Variants in PIP4K2A observed in about 807,000 individuals in gnomAD.
PIP4K2A encodes phosphatidylinositol-5-phosphate 4-kinase type 2 alpha.
In PIP4K2A, 14 loss-of-function variants were observed where a neutral mutation model predicts 42.9. That is an observed-to-expected ratio of 0.33 (90% CI 0.22 to 0.51). The LOEUF is 0.51. Ranked by LOEUF, PIP4K2A falls within the 20% of genes least tolerant of loss-of-function variation. The probability of loss-of-function intolerance (pLI) is 0.97; values close to 1 mark genes in which losing one functional copy is unlikely to be tolerated. For missense variants in PIP4K2A, 434 were observed against 519.8 expected, an observed-to-expected ratio of 0.83 and a Z score of 1.61; for synonymous variants, 192 against 192.2, an observed-to-expected ratio of 1.00 and a Z score of 0.01.
intron 1 of PIP4K2A, among the ~76,000 whole-genome samples, chr10:22,709,364 C>T (rs923382657): frequency 2.0e-4 from 31 of 152,270 alleles, no homozygotes; most frequent in African/African-American, 7.5e-4. Context: ...GTGACTAAAT[C>T]ACCTGCTCAA....
At chr10:22,620,573 T>C (rs1838303782) in intron 1 of PIP4K2A, among the ~76,000 whole-genome samples, 1 of 152,274 alleles carries the variant, frequency 6.6e-6, no homozygotes, top group Non-Finnish European at 1.5e-5. Context: ...TAGAAAATGC[T>C]TGAATTAATC....
rs566061355 is a variant in PIP4K2A, at chr10:22,535,320, G to A, written c.*1881C>T. The A allele has an allele frequency of 4.1e-4, 62 of 152,286 alleles. No individual in the cohort carries two copies. The highest frequency in any genetic ancestry group is 1.3e-3 in the African/African-American group (56 of 41,538). The allele number at this position is 152,286 out of a possible 1,614,324, so 9.4% of individuals were successfully genotyped here. On this transcript the variant is annotated 3_prime_UTR_variant, in exon 10 of 10. Transcript: ENST00000376573. Reference sequence around the variant, plus strand: ...GCAGGGAAAAACCAAATCATAGTATGGATTACTTTAAATACATAAAAGATG... The same window carrying A: ...GCAGGGAAAAACCAAATCATAGTATAGATTACTTTAAATACATAAAAGATG...
chr10:22,566,543 T>C (rs578250993), intron 6 of PIP4K2A, among the ~76,000 whole-genome samples: 1 of 152,280 alleles, frequency 6.6e-6, no homozygotes, highest in East Asian at 1.9e-4. Flanking sequence ...AATCTCTCTG[T>C]AATTCATCCA....
chr10:22,659,246 T>A (rs1379657475), intron 1 of PIP4K2A, among the ~76,000 whole-genome samples: 1 of 152,204 alleles, frequency 6.6e-6, no homozygotes, highest in Admixed American at 6.5e-5. Context: ...AATATACTCA[T>A]AACACGTCTT....
intron 1 of PIP4K2A, among the ~76,000 whole-genome samples, chr10:22,650,043 G>T (rs979820180): frequency 6.6e-6 from 1 of 152,110 alleles, no homozygotes; most frequent in Non-Finnish European, 1.5e-5. Context: ...TATCTCCCCA[G>T]AACCCATCCA....
At chr10:22,561,765 A>G (rs1836709986) in intron 6 of PIP4K2A, among the ~76,000 whole-genome samples, 1 of 151,598 alleles carries the variant, frequency 6.6e-6, no homozygotes, top group South Asian at 2.1e-4. Context: ...GGGTCTCGCT[A>G]TGTTTCCCAG....
chr10:22,633,093 C>T (rs1838585249), intron 1 of PIP4K2A, among the ~76,000 whole-genome samples: 1 of 152,140 alleles, frequency 6.6e-6, no homozygotes, highest in Non-Finnish European at 1.5e-5. Context: ...TTACACAGCC[C>T]CCCTCTTTAC....
At chr10:22,645,772 C>T (rs749526165) in intron 1 of PIP4K2A, among the ~76,000 whole-genome samples, 131 of 151,646 alleles carry the variant, frequency 8.6e-4, no homozygotes, top group African/African-American at 2.2e-3. Flanking sequence ...CAGCTCAGGG[C>T]TCATTGCAGC....
chr10:22,685,446 G>C (rs1052779906), intron 1 of PIP4K2A, among the ~76,000 whole-genome samples: 7 of 152,176 alleles, frequency 4.6e-5, no homozygotes, highest in Non-Finnish European at 1.0e-4. Context: ...TGTGATCCCA[G>C]CTCTTTGGGA....
In PIP4K2A at chr10:22,621,663, GA is replaced by G. The variant is rs376535354; in HGVS notation, c.145-11947del. Among the ~76,000 whole-genome samples the G allele has an allele frequency of 2.6e-3, 391 of 152,294 alleles. 2 individuals carry two copies. Among genetic ancestry groups the G allele is most frequent in the African/African-American group, 9.0e-3 (376 of 41,560 alleles). ...GGTACCCCAGATAACCACATCTACT[GA>G]AAAAGTAAGCAGTGAGTGACAGCTG... On this transcript the variant is annotated intron_variant, in intron 1 of 9. Transcript: ENST00000376573.
chr10:22,565,574 T>C (rs956834285), intron 6 of PIP4K2A, among the ~76,000 whole-genome samples: 5 of 152,164 alleles, frequency 3.3e-5, no homozygotes, highest in Admixed American at 3.3e-4. Flanking sequence ...CATGGGATAA[T>C]TGCGTTAACT....
intron 1 of PIP4K2A, among the ~76,000 whole-genome samples, chr10:22,610,847 T>A (rs1176628464): frequency 1.3e-5 from 2 of 152,218 alleles, no homozygotes; most frequent in Non-Finnish European, 2.9e-5. Context: ...GAAGTAAATG[T>A]AAATGATCTC....
At chr10:22,552,051 A>G (rs1836424039) in intron 6 of PIP4K2A, among the ~76,000 whole-genome samples, 1 of 152,218 alleles carries the variant, frequency 6.6e-6, no homozygotes, top group South Asian at 2.1e-4. Context: ...GCAACTTTGA[A>G]TTAGATATAA....
chr10:22,605,166 G>A (rs1302212079), intron 3 of PIP4K2A, among the ~76,000 whole-genome samples: 1 of 152,240 alleles, frequency 6.6e-6, no homozygotes, highest in Non-Finnish European at 1.5e-5. Flanking sequence ...CAGTACTGAA[G>A]TGACTCTGAA....
At chr10:22,670,127 C>G (rs1320730904) in intron 1 of PIP4K2A, among the ~76,000 whole-genome samples, 1 of 152,120 alleles carries the variant, frequency 6.6e-6, no homozygotes, top group African/African-American at 2.4e-5. Flanking sequence ...GCCTGTAATC[C>G]CAGAACTTTG....
intron 1 of PIP4K2A, among the ~76,000 whole-genome samples, chr10:22,704,741 A>T (rs1375811126): frequency 6.6e-6 from 1 of 151,016 alleles, no homozygotes; most frequent in African/African-American, 2.4e-5. Flanking sequence ...CTGTTACTGT[A>T]GTTTATTTTG....
intron 6 of PIP4K2A, among the ~76,000 whole-genome samples, chr10:22,563,380 T>G (rs1365908294): frequency 6.6e-6 from 1 of 152,184 alleles, no homozygotes; most frequent in East Asian, 1.9e-4. Flanking sequence ...TATGTACATC[T>G]GAAAGTATGA....
intron 6 of PIP4K2A, among the ~76,000 whole-genome samples, chr10:22,551,504 A>C (rs534596789): frequency 2.3e-4 from 35 of 152,386 alleles, no homozygotes; most frequent in Admixed American, 2.0e-4. Context: ...AGCAACTATC[A>C]AAACATGGAT....
At chr10:22,698,944 TTATC>T (rs1833652327) in intron 1 of PIP4K2A, among the ~76,000 whole-genome samples, 1 of 152,228 alleles carries the variant, frequency 6.6e-6, no homozygotes, top group Admixed American at 6.5e-5. Context: ...GAAAGAAGCT[TTATC>T]TAACACATAA....
Sources: allele counts gnomAD v4.1 joint callset (sites outside exome capture counted in the v4.1 genomes callset), GRCh38; gene constraint gnomAD v4.1.1; transcripts MANE v1.5; gene names NCBI Gene and HGNC (gene_info 2026-07-23, HGNC 2026-07-21).